WWC2: variants seen among roughly 807,000 people sequenced by gnomAD.
The protein encoded by WWC2 is protein WWC2.
WWC2 carries 101 observed loss-of-function variants against 138.5 expected under a neutral mutation model. The ratio of observed to expected loss-of-function variants is 0.73; its 90% CI spans 0.62 to 0.86. The LOEUF is 0.86. Ranked by LOEUF, WWC2 falls within the 40% of genes least tolerant of loss-of-function variation. The probability of loss-of-function intolerance (pLI) is 0.00; values close to 1 mark genes in which losing one functional copy is unlikely to be tolerated. For missense variants in WWC2, 1,420 were observed against 1,419.4 expected (o/e 1.00, Z -0.01); for synonymous variants, 558 against 538.4 (o/e 1.04, Z -0.50).
chr4:183,143,834 C>T (rs200847930), intron 1 of WWC2, among the ~76,000 whole-genome samples: 2 of 151,012 alleles, frequency 1.3e-5, no homozygotes, highest in East Asian at 4.4e-4. Flanking sequence ...AAAAAAAATA[C>T]ACACAAACAT....
Position 183,319,804 on chromosome 4 carries a change from A to G in WWC2, c.*4075A>G, listed in dbSNP as rs989691487. 2 of 1,613,966 alleles carry G rather than the reference A, an allele frequency of 1.2e-6. No individual in the cohort carries two copies. Among genetic ancestry groups the G allele is most frequent in the Non-Finnish European group, 1.7e-6 (2 of 1,179,914 alleles). On this transcript the variant is annotated 3_prime_UTR_variant, in exon 23 of 23. Transcript: ENST00000403733. ...TCCTGAACCGTCTTGTGGGCAACCC[A>G]AGAGACGGGAACCAGGGCTGTGACT... is the stretch of plus-strand genomic sequence containing the variant.
chr4:183,254,871 C>A (rs75921489), intron 9 of WWC2, among the ~76,000 whole-genome samples: 1 of 148,048 alleles, frequency 6.8e-6, no homozygotes, highest in African/African-American at 2.5e-5. Flanking sequence ...CCAGTTGCTT[C>A]AAAAAAAAAA....
intron 1 of WWC2, among the ~76,000 whole-genome samples, chr4:183,183,800 G>A (rs1580024787): frequency 6.6e-6 from 1 of 151,758 alleles, no homozygotes; most frequent in East Asian, 1.9e-4. Context: ...AAAGAAAAAA[G>A]GCAAAAACTT....
intron 9 of WWC2, among the ~76,000 whole-genome samples, chr4:183,255,536 A>G (rs964517496): frequency 1.3e-5 from 2 of 152,224 alleles, no homozygotes; most frequent in Non-Finnish European, 2.9e-5. Context: ...TAGCATTTAC[A>G]TATTATAAAA....
At chr4:183,309,653 A>G (rs141866402) in intron 21 of WWC2, among the ~76,000 whole-genome samples, 4 of 152,366 alleles carry the variant, frequency 2.6e-5, no homozygotes, top group Non-Finnish European at 4.4e-5. Context: ...CAGGCACTTT[A>G]GAAGACAGTT....
intron 22 of WWC2, among the ~76,000 whole-genome samples, chr4:183,315,097 A>G (rs1739393543): frequency 6.6e-6 from 1 of 152,078 alleles, no homozygotes; most frequent in Non-Finnish European, 1.5e-5. Flanking sequence ...TCTTTTTTTT[A>G]AGCACTCTCC....
At position 183,259,633 on chromosome 4, in the gene WWC2, T is replaced by C. The variant is rs1159688819; in HGVS notation, c.1197-6T>C. 1.3e-6 allele frequency: 2 copies of C among 1,513,982 alleles called. No individual in the cohort carries two copies. Among genetic ancestry groups the C allele is most frequent in the Admixed American group, 2.4e-5 (1 of 42,246 alleles). 93.8% of individuals were successfully genotyped at this position (1,513,982 alleles called of 1,614,324 possible). A position where few individuals can be genotyped will look rare whatever the true frequency, so the allele number is the denominator to read the frequency against. ...ATCATTTGAAAATAATTTTTTTTCT[T>C]CCTAGATTGAGATTGGAAGAGAGAA... is the stretch of plus-strand genomic sequence containing the variant. On this transcript the variant is annotated splice_polypyrimidine_tract_variant and splice_region_variant and intron_variant, in intron 9 of 22. Coordinates refer to ENST00000403733, the MANE Select transcript of WWC2 (RefSeq NM_024949.6).
chr4:183,290,958 A>G (rs899728846), intron 21 of WWC2, among the ~76,000 whole-genome samples: 7 of 152,258 alleles, frequency 4.6e-5, no homozygotes, highest in East Asian at 1.9e-4. Flanking sequence ...TCAAGAATCA[A>G]ACTGACACCA....
At chr4:183,164,621 A>G (rs1196439917) in intron 1 of WWC2, among the ~76,000 whole-genome samples, 2 of 152,000 alleles carry the variant, frequency 1.3e-5, no homozygotes, top group Non-Finnish European at 2.9e-5. Context: ...CTTTGAAACC[A>G]GCAGCAGAGA....
rs546237241 is a variant in WWC2, at chr4:183,320,182, C to T, written c.*4453C>T. ...CATCCCAGCAAAGATAATGAAACTC[C>T]AGCTAGTTGAGCTACAGTTCTAAAT... On this transcript the variant is annotated 3_prime_UTR_variant, in exon 23 of 23. Coordinates refer to ENST00000403733, the MANE Select transcript of WWC2 (RefSeq NM_024949.6). 5 of 1,614,118 alleles carry T rather than the reference C, an allele frequency of 3.1e-6. No homozygotes were observed. Among genetic ancestry groups the T allele is most frequent in the East Asian group, 4.5e-5 (2 of 44,882 alleles).
At chr4:183,276,586 C>T (rs1358275926) in intron 16 of WWC2, among the ~76,000 whole-genome samples, 1 of 152,104 alleles carries the variant, frequency 6.6e-6, no homozygotes, top group African/African-American at 2.4e-5. Context: ...TCCCTTTCCT[C>T]CTTCTCTGCT....
intron 4 of WWC2, among the ~76,000 whole-genome samples, chr4:183,215,298 G>A (rs1039661626): frequency 2.0e-5 from 3 of 152,134 alleles, no homozygotes; most frequent in African/African-American, 7.2e-5. Context: ...TTTTTGGACC[G>A]CAGTTGACTG....
At chr4:183,180,284 A>G (rs1734588743) in intron 1 of WWC2, among the ~76,000 whole-genome samples, 1 of 152,174 alleles carries the variant, frequency 6.6e-6, no homozygotes, top group Admixed American at 6.5e-5. Context: ...TCTGCAACGC[A>G]GATATCCTGC....
intron 17 of WWC2, 24 bp downstream of exon 17, chr4:183,280,921 G>A (rs918238056): frequency 6.5e-7 from 1 of 1,544,068 alleles, no homozygotes; most frequent in Non-Finnish European, 8.7e-7. Flanking sequence ...TTCCTTTGCT[G>A]TTGGGAGCTC....
intron 2 of WWC2, among the ~76,000 whole-genome samples, chr4:183,207,147 C>T (rs1026247407): frequency 1.3e-5 from 2 of 151,208 alleles, no homozygotes; most frequent in African/African-American, 4.9e-5. Flanking sequence ...GCTTTGAAAT[C>T]TACCGTGCCT....
intron 2 of WWC2, among the ~76,000 whole-genome samples, chr4:183,194,358 TTG>T (rs140999489): frequency 6.6e-6 from 1 of 152,008 alleles, no homozygotes; most frequent in African/African-American, 2.4e-5. Flanking sequence ...TTGTGTATGT[TTG>T]TGTGTGTGTG....
In WWC2 at chr4:183,315,428, C is replaced by T. The variant is rs183860125; in HGVS notation, c.3513-235C>T. On this transcript the variant is annotated intron_variant, in intron 22 of 22. Transcript: ENST00000403733. Reference sequence around the variant, plus strand: ...TTGGAAGTTCCCTGAAGGGAACTTACGGGCTTGGTCTGTAGGTGACTTCCG... The same window carrying T: ...TTGGAAGTTCCCTGAAGGGAACTTATGGGCTTGGTCTGTAGGTGACTTCCG... Among the ~76,000 whole-genome samples, 545 of 152,220 alleles carry T rather than the reference C, an allele frequency of 3.6e-3. 2 individuals carry two copies. Among genetic ancestry groups the T allele is most frequent in the African/African-American group, 0.013 (527 of 41,528 alleles).
chr4:183,099,475 C>A lies in WWC2; in HGVS notation c.-17C>A. ...CGGTACCTATGGAGGCGCCGCTCGC[C>A]GGCGAGGCCGCCGACCATGCCTAGG... On this transcript the variant is annotated 5_prime_UTR_variant, in exon 1 of 23. Coordinates refer to ENST00000403733, the MANE Select transcript of WWC2 (RefSeq NM_024949.6). 1.6e-6 allele frequency: 2 copies of A among 1,289,800 alleles called. No homozygotes were observed. The highest frequency in any genetic ancestry group is 4.6e-5 in the South Asian group (2 of 43,514). The allele number at this position is 1,289,800 out of a possible 1,614,324, so 79.9% of individuals were successfully genotyped here.
chr4:183,260,403 C>T (rs2111355637), intron 10 of WWC2, among the ~76,000 whole-genome samples: 1 of 152,278 alleles, frequency 6.6e-6, no homozygotes, highest in Middle Eastern at 3.4e-3. Flanking sequence ...AACGAAGAAG[C>T]ATAGACATGG....
Sources: allele counts gnomAD v4.1 joint callset (sites outside exome capture counted in the v4.1 genomes callset), GRCh38; gene constraint gnomAD v4.1.1; transcripts MANE v1.5; gene names NCBI Gene and HGNC (gene_info 2026-07-23, HGNC 2026-07-21).